The following BTK variants were observed in gnomAD, a reference collection of about 807,000 sequenced individuals.
BTK encodes the protein tyrosine-protein kinase BTK.
Under a neutral mutation model 57.4 loss-of-function variants are expected in BTK, and 5 were observed. That is an observed-to-expected ratio of 0.09 (90% CI 0.05 to 0.18). The LOEUF is 0.18. Among genes scored for constraint, BTK ranks in the 10% least tolerant of loss-of-function variants. The pLI is 1.00. For synonymous variants in BTK, 154 were observed against 174.3 expected (o/e 0.88, Z 0.92); for missense variants, 194 against 501.2 (o/e 0.39, Z 5.85).
At chrX:101,383,581 T>C (rs1450527339) in intron 1 of BTK, among the ~76,000 whole-genome samples, 1 of 110,407 alleles carries the variant, frequency 9.1e-6, no homozygotes, top group Non-Finnish European at 1.9e-5. Context: ...CTCCAGTATA[T>C]TCCAACTTCC....
At chrX:101,383,672 G>A (rs1180192637) in intron 1 of BTK, among the ~76,000 whole-genome samples, 3 of 111,171 alleles carry the variant, frequency 2.7e-5, no homozygotes, top group African/African-American at 9.8e-5. Context: ...TTTGTTTTCA[G>A]TTCAGGGAGG....
intron 18 of BTK, among the ~76,000 whole-genome samples, chrX:101,351,903 C>A (rs782781888): frequency 8.9e-6 from 1 of 112,136 alleles, no homozygotes; most frequent in African/African-American, 3.2e-5. Flanking sequence ...GTGGCTCATG[C>A]CTGTAATCCC....
intron 1 of BTK, among the ~76,000 whole-genome samples, chrX:101,382,167 C>G (rs1198573719): frequency 9.0e-6 from 1 of 110,605 alleles, no homozygotes; most frequent in Admixed American, 9.7e-5. Flanking sequence ...GCTTCATAGT[C>G]AAGGCTACAG....
intron 1 of BTK, among the ~76,000 whole-genome samples, chrX:101,384,065 T>G (rs1337510867): frequency 9.0e-6 from 1 of 111,687 alleles, no homozygotes; most frequent in Non-Finnish European, 1.9e-5. Flanking sequence ...ATCAGATCAT[T>G]GTGGGTGTAG....
chrX:101,382,472 G>A (rs1294890520), intron 1 of BTK, among the ~76,000 whole-genome samples: 3 of 110,555 alleles, frequency 2.7e-5, no homozygotes, highest in Non-Finnish European at 3.8e-5. Flanking sequence ...GACTACAGCC[G>A]CACACCATGA....
chrX:101,362,497 G>A (rs1926705642), intron 6 of BTK, 64 bp downstream of exon 6: 1 of 1,199,388 alleles, frequency 8.3e-7, no homozygotes, highest in African/African-American at 1.8e-5. Flanking sequence ...GGGCTTGACA[G>A]ACCCTTGGGA....
intron 16 of BTK, 64 bp from the exon 17 acceptor site, chrX:101,354,052 T>C: frequency 1.4e-5 from 12 of 850,917 alleles, no homozygotes; most frequent in Non-Finnish European, 2.1e-5. Flanking sequence ...TACGTTTTCT[T>C]GGCACGGTCA....
At chrX:101,367,980 GCT>G (rs782627715) in intron 5 of BTK, among the ~76,000 whole-genome samples, 1 of 111,975 alleles carries the variant, frequency 8.9e-6, no homozygotes, top group Admixed American at 9.6e-5. Context: ...GTCCTGCAGA[GCT>G]CTTATCCCAG....
At chrX:101,387,870 GT>G (rs782432904), upstream of BTK, among the ~76,000 whole-genome samples, 31 of 95,603 alleles carry the variant, frequency 3.2e-4, no homozygotes, top group South Asian at 4.8e-4. Flanking sequence ...CTTTTCTTCA[GT>G]TTTTTTTTTT....
At chrX:101,378,159 C>G (rs1298273146) in intron 1 of BTK, 1 of 106,296 alleles carries the variant, frequency 9.4e-6, no homozygotes, top group Non-Finnish European at 1.9e-5. Flanking sequence ...TCTTGGCTCA[C>G]TGCAACCTCC....
At chrX:101,364,301 C>A (rs376953144) in intron 5 of BTK, among the ~76,000 whole-genome samples, 3 of 106,257 alleles carry the variant, frequency 2.8e-5, no homozygotes, top group African/African-American at 1.0e-4. Context: ...CCCTGCTACT[C>A]GGGAGGCTGA....
intron 1 of BTK, among the ~76,000 whole-genome samples, chrX:101,377,586 A>ATTC (rs1247073508): frequency 1.8e-5 from 2 of 110,885 alleles, no homozygotes; most frequent in Non-Finnish European, 3.8e-5. Flanking sequence ...CATCTGTTTC[A>ATTC]TTCTTGTCCC....
intron 3 of BTK, chrX:101,374,244 C>G: frequency 3.3e-6 from 1 of 303,598 alleles, no homozygotes. Context: ...TAAATCTGAT[C>G]CTGAGAGAAC....
chrX:101,384,519 C>A (rs954094729), intron 1 of BTK, among the ~76,000 whole-genome samples: 9 of 110,409 alleles, frequency 8.2e-5, no homozygotes, highest in Non-Finnish European at 1.5e-4. Flanking sequence ...ATTGTTTGAA[C>A]CCGGGAGGCG....
intron 13 of BTK, 83 bp downstream of exon 13, chrX:101,357,426 A>G (rs1926518676): frequency 4.5e-6 from 4 of 889,452 alleles, no homozygotes; most frequent in Non-Finnish European, 6.6e-6. Flanking sequence ...AGTGTACCTC[A>G]AGGACACTCC....
chrX:101,350,015 T>C, intron 18 of BTK, 59 bp from the exon 19 acceptor site: 1 of 867,065 alleles, frequency 1.2e-6, no homozygotes. Flanking sequence ...TCAAGGGAAA[T>C]GCAATGAGTA....
intron 5 of BTK, among the ~76,000 whole-genome samples, chrX:101,363,271 G>A (rs1926728695): frequency 1.0e-5 from 1 of 95,413 alleles, no homozygotes; most frequent in Admixed American, 1.2e-4. Flanking sequence ...CATTGCCAGA[G>A]GTAACACAGC....
chrX:101,388,042 A>G (rs1392897676), upstream of BTK, among the ~76,000 whole-genome samples: 2 of 110,029 alleles, frequency 1.8e-5, no homozygotes, highest in East Asian at 2.9e-4. Context: ...AATTTTTTGT[A>G]TTTTTAGTAG....
intron 18 of BTK, among the ~76,000 whole-genome samples, chrX:101,351,543 G>C (rs1157296845): frequency 9.0e-6 from 1 of 111,172 alleles, no homozygotes; most frequent in Non-Finnish European, 1.9e-5. Flanking sequence ...AGCCATGCTC[G>C]GATCCAGATA....
Sources: allele counts gnomAD v4.1 joint callset (sites outside exome capture counted in the v4.1 genomes callset), GRCh38; gene constraint gnomAD v4.1.1; transcripts MANE v1.5; gene names NCBI Gene and HGNC (gene_info 2026-07-23, HGNC 2026-07-21).